Variants in CHN1 observed in about 807,000 individuals in gnomAD.
The protein encoded by CHN1 is N-chimaerin.
Under a neutral mutation model 59.5 loss-of-function variants are expected in CHN1, and 37 were observed. That is an observed-to-expected ratio of 0.62 (90% CI 0.48 to 0.82). CHN1 has a LOEUF of 0.82. CHN1 is among the 40% of genes least tolerant of loss of function. The pLI, the probability that CHN1 is intolerant of heterozygous loss-of-function variation, is 0.00. For synonymous variants in CHN1, 206 were observed against 200.4 expected (o/e 1.03, Z -0.24); for missense variants, 469 against 571.0 (o/e 0.82, Z 1.82).
chr2:174,838,932 G>A (rs973470475), intron 7 of CHN1, among the ~76,000 whole-genome samples: 2 of 151,942 alleles, frequency 1.3e-5, no homozygotes, highest in Admixed American at 1.3e-4. Context: ...CAGGAGAATA[G>A]CTTGAACCCA....
At chr2:174,906,005 T>C (rs577626866) in intron 5 of CHN1, among the ~76,000 whole-genome samples, 7 of 152,286 alleles carry the variant, frequency 4.6e-5, no homozygotes, top group Admixed American at 3.3e-4. Flanking sequence ...GGAAACTTCA[T>C]ACACTGCTGG....
In CHN1 at chr2:174,813,917, A is replaced by G. The variant is rs80163920; in HGVS notation, c.713-1435T>C. 7.9e-5 allele frequency among the ~76,000 whole-genome samples: 12 copies of G among 152,348 alleles called. No homozygotes were observed. In the East Asian group the frequency reaches 2.3e-3, roughly 29 times the overall value. ...CATTCAGGTGCTTTGAATGTTGTAA[A>G]ATGCTAGACAAATGCTGGTGATCAT... On this transcript the variant is annotated intron_variant, in intron 8 of 12. Coordinates refer to ENST00000409900, the MANE Select transcript of CHN1 (RefSeq NM_001822.7).
chr2:174,956,540 A>AG (rs936772546), intron 1 of CHN1, among the ~76,000 whole-genome samples: 1 of 151,994 alleles, frequency 6.6e-6, no homozygotes, highest in Non-Finnish European at 1.5e-5. Flanking sequence ...GGAGGCCAAG[A>AG]GGGGCGGGTC....
intron 1 of CHN1, among the ~76,000 whole-genome samples, chr2:174,974,264 A>C (rs1167631797): frequency 6.6e-6 from 1 of 152,226 alleles, no homozygotes; most frequent in East Asian, 1.9e-4. Flanking sequence ...CAAAAAGCAG[A>C]CTGAGTGATT....
intron 3 of CHN1, among the ~76,000 whole-genome samples, chr2:174,929,156 T>C (rs1317277579): frequency 2.0e-5 from 3 of 152,236 alleles, no homozygotes; most frequent in Non-Finnish European, 4.4e-5. Context: ...TTGTTTTACA[T>C]TTTCCCAAAG....
intron 5 of CHN1, among the ~76,000 whole-genome samples, chr2:174,901,208 A>C (rs1340025883): frequency 6.6e-6 from 1 of 152,212 alleles, no homozygotes; most frequent in Non-Finnish European, 1.5e-5. Context: ...TACAAGAAGC[A>C]GATGTGCAGC....
chr2:174,905,894 G>A (rs1234219861), intron 5 of CHN1, among the ~76,000 whole-genome samples: 1 of 152,102 alleles, frequency 6.6e-6, no homozygotes, highest in Non-Finnish European at 1.5e-5. Flanking sequence ...CCATTCAAGA[G>A]TAAGGTGCAA....
intron 3 of CHN1, among the ~76,000 whole-genome samples, chr2:174,930,328 C>G (rs921425148): frequency 2.0e-5 from 3 of 152,178 alleles, no homozygotes; most frequent in Non-Finnish European, 2.9e-5. Context: ...AAGAGGACAG[C>G]ACACCTCAAA....
chr2:174,938,827 G>C (rs1375183533), intron 3 of CHN1, among the ~76,000 whole-genome samples: 1 of 151,740 alleles, frequency 6.6e-6, no homozygotes, highest in Non-Finnish European at 1.5e-5. Context: ...TTAGTCATTA[G>C]AACATGACTA....
At chr2:174,957,619 C>T (rs887069764) in intron 1 of CHN1, among the ~76,000 whole-genome samples, 2 of 152,008 alleles carry the variant, frequency 1.3e-5, no homozygotes, top group South Asian at 2.1e-4. Context: ...TGACGTGGAG[C>T]GAGTTTCCAG....
At position 174,830,676 on chromosome 2, in the gene CHN1, T is replaced by C. The variant is rs535763512; in HGVS notation, c.628-6158A>G. Among the ~76,000 whole-genome samples, 5 of 152,292 alleles carry C rather than the reference T, an allele frequency of 3.3e-5. No individual in the cohort carries two copies. In the East Asian group the frequency reaches 9.6e-4, roughly 29 times the overall value. Reference sequence around the variant, plus strand: ...CTTGCTGAAACATAGCTTTAAGCACTGGCCAAGGCTAAGTACCTGGAATAG... The same window carrying C: ...CTTGCTGAAACATAGCTTTAAGCACCGGCCAAGGCTAAGTACCTGGAATAG... On this transcript the variant is annotated intron_variant, in intron 7 of 12. Transcript: ENST00000409900.
Position 174,878,110 on chromosome 2 carries a change from T to C in CHN1, c.279A>G (p.Arg93=), listed in dbSNP as rs1359123808. The C allele has an allele frequency of 6.5e-7, 1 of 1,537,736 alleles. No individual in the cohort carries two copies. Among genetic ancestry groups the C allele is most frequent in the Non-Finnish European group, 8.8e-7 (1 of 1,134,468 alleles). Residue 93 remains arginine, a synonymous_variant, in exon 6 of 13, where the codon AGA becomes AGG. Transcript: ENST00000409900. Reference sequence around the variant, plus strand: ...TGCCATCGTAGTAGAGCCTGAAGTTTCTGGTTTGACTTCCAAATCTGCCTC... The same window carrying C: ...TGCCATCGTAGTAGAGCCTGAAGTTCCTGGTTTGACTTCCAAATCTGCCTC... ...TLALRFGSQT[R]NFRLYYDGKH...
intron 1 of CHN1, among the ~76,000 whole-genome samples, chr2:174,956,718 G>C (rs1690215736): frequency 6.7e-6 from 1 of 149,412 alleles, no homozygotes; most frequent in Non-Finnish European, 1.5e-5. Flanking sequence ...GCTGCAGTGA[G>C]CTGAGATCAC....
At chr2:174,882,161 T>G (rs1404540752) in intron 5 of CHN1, among the ~76,000 whole-genome samples, 1 of 152,130 alleles carries the variant, frequency 6.6e-6, no homozygotes, top group East Asian at 1.9e-4. Flanking sequence ...CTAGGTAGAG[T>G]TCAGCAAGAT....
At chr2:174,895,100 G>A (rs1174700412) in intron 5 of CHN1, among the ~76,000 whole-genome samples, 1 of 145,156 alleles carries the variant, frequency 6.9e-6, no homozygotes, top group South Asian at 2.2e-4. Flanking sequence ...ACAGTTTCAG[G>A]TATCCACTGG....
At chr2:174,827,445 GA>G (rs1685726584) in intron 7 of CHN1, among the ~76,000 whole-genome samples, 1 of 152,216 alleles carries the variant, frequency 6.6e-6, no homozygotes, top group African/African-American at 2.4e-5. Context: ...AGGCATGAGA[GA>G]AACAATGTGG....
chr2:174,956,072 G>C lies in CHN1; in HGVS notation c.20-3870C>G, dbSNP rs563840708. ...AAAAAACAATTGTGGAAAACTTAAAGACATAGAGGAAATCTTGGAAGAAGA... is the reference window on the plus strand; with the variant it reads ...AAAAAACAATTGTGGAAAACTTAAACACATAGAGGAAATCTTGGAAGAAGA... On this transcript the variant is annotated intron_variant, in intron 1 of 12. Transcript: ENST00000409900. Among the ~76,000 whole-genome samples, 46 of 152,186 alleles carry C rather than the reference G, an allele frequency of 3.0e-4. No individual in the cohort carries two copies. In the South Asian group the frequency reaches 5.0e-3, roughly 16 times the overall value.
chr2:174,846,359 TCAG>T lies in CHN1; in HGVS notation c.627+518_627+520del, dbSNP rs769766884. 1.3e-5 allele frequency: 20 copies of T among 1,549,234 alleles called. No individual in the cohort carries two copies. In the Admixed American group the frequency reaches 3.9e-4, roughly 30 times the overall value. ...AAAAAGTGAGGAGAAGCTGCTAGTG[TCAG>T]CAGCATCAACAGTCCCATGGTAGCC... On this transcript the variant is annotated intron_variant, in intron 7 of 12. Coordinates refer to ENST00000409900, the MANE Select transcript of CHN1 (RefSeq NM_001822.7).
At chr2:174,974,792 CACATATA>C (rs1182063496) in intron 1 of CHN1, among the ~76,000 whole-genome samples, 2 of 151,984 alleles carry the variant, frequency 1.3e-5, no homozygotes, top group African/African-American at 2.4e-5. Flanking sequence ...TTCCTTCATG[CACATATA>C]ACATATATGA....
Sources: gnomAD v4.1 joint callset for allele counts (sites outside exome capture counted in the v4.1 genomes callset) on GRCh38, gnomAD v4.1.1 for gene constraint, MANE v1.5 for transcripts, NCBI Gene and HGNC (gene_info 2026-07-23, HGNC 2026-07-21) for gene names.